Variants in PAPPA observed in about 807,000 individuals in gnomAD.
PAPPA encodes pappalysin 1.
Under a neutral mutation model 164.0 loss-of-function variants are expected in PAPPA, and 60 were observed. The ratio of observed to expected loss-of-function variants is 0.37; its 90% CI spans 0.30 to 0.45. PAPPA has a LOEUF of 0.45. PAPPA is among the 20% of genes least tolerant of loss of function. PAPPA has a pLI of 1.00. For missense variants in PAPPA, 1,782 were observed against 2,087.3 expected, an observed-to-expected ratio of 0.85 and a Z score of 2.85; for synonymous variants, 875 against 814.1, an observed-to-expected ratio of 1.07 and a Z score of -1.27.
chr9:116,307,426 C>T (rs1273543696), intron 10 of PAPPA, among the ~76,000 whole-genome samples: 1 of 151,838 alleles, frequency 6.6e-6, no homozygotes, highest in Non-Finnish European at 1.5e-5. Context: ...ATGGTGAAAC[C>T]CCGTCTCTAC....
At chr9:116,174,553 T>C (rs1843809953) in intron 1 of PAPPA, among the ~76,000 whole-genome samples, 1 of 152,138 alleles carries the variant, frequency 6.6e-6, no homozygotes, top group South Asian at 2.1e-4. Flanking sequence ...CCCAATGCTC[T>C]TCAGCAGATG....
chr9:116,302,564 C>T (rs1450010995), intron 9 of PAPPA, among the ~76,000 whole-genome samples, 193 bp from the exon 10 acceptor site: 2 of 152,066 alleles, frequency 1.3e-5, no homozygotes, highest in Admixed American at 6.6e-5. Context: ...GAACATGGTT[C>T]ATCCATGTTG....
At position 116,334,887 on chromosome 9, in the gene PAPPA, A is replaced by G; in HGVS notation, c.3424A>G (p.Asn1142Asp). ...CCTCCATGTCCTGAGCTGCAGGAAC[A>G]ATCCCCTGATTATCCCTGTGGTCCA... ...LGLHVLSCRN[N>D]PLIIPVVHDL... is the part of the protein sequence containing the mutation. The change falls in exon 13 of 22, where the codon AAT (asparagine) becomes GAT (aspartate). Residue 1142 changes from asparagine to aspartate, a missense_variant. Physicochemically the swap from Asn to Asp is conservative, Grantham distance 23 (BLOSUM62 1). Transcript: ENST00000328252. The G allele has an allele frequency of 6.2e-7, 1 of 1,613,704 alleles. No individual in the cohort carries two copies. The highest frequency in any genetic ancestry group is 8.5e-7 in the Non-Finnish European group (1 of 1,179,926).
intron 7 of PAPPA, among the ~76,000 whole-genome samples, chr9:116,250,013 ATGTG>A (rs67162181): frequency 0.025 from 3,626 of 143,532 alleles, 63 homozygotes; most frequent in South Asian, 0.031. Context: ...GTACCTGCAT[ATGTG>A]TGTGTGTGTG....
At chr9:116,240,261 CA>C (rs1392073193) in intron 7 of PAPPA, among the ~76,000 whole-genome samples, 3 of 152,174 alleles carry the variant, frequency 2.0e-5, no homozygotes, top group African/African-American at 7.2e-5. Flanking sequence ...GCTGAAAACT[CA>C]AGGTGCTCAC....
At chr9:116,344,002 G>C (rs953176719) in intron 13 of PAPPA, among the ~76,000 whole-genome samples, 1 of 151,988 alleles carries the variant, frequency 6.6e-6, no homozygotes, top group South Asian at 2.1e-4. Context: ...TCCTGACCTC[G>C]TGATCTGCCC....
intron 1 of PAPPA, among the ~76,000 whole-genome samples, chr9:116,184,063 A>C (rs1378072914): frequency 1.3e-5 from 2 of 152,202 alleles, no homozygotes; most frequent in Non-Finnish European, 2.9e-5. Flanking sequence ...ATCTTGTTTT[A>C]GATTTTAATT....
chr9:116,310,160 C>T (rs11791269), intron 10 of PAPPA, among the ~76,000 whole-genome samples: 16,044 of 152,184 alleles, frequency 0.11, 939 homozygotes, highest in South Asian at 0.2. Context: ...TACCCAATGC[C>T]GAAGTCACTT....
At chr9:116,354,919 A>G (rs1232155984) in intron 17 of PAPPA, among the ~76,000 whole-genome samples, 1 of 151,152 alleles carries the variant, frequency 6.6e-6, no homozygotes, top group Admixed American at 6.6e-5. Flanking sequence ...TGCCAATAAG[A>G]TGGATTTTCC....
intron 7 of PAPPA, among the ~76,000 whole-genome samples, chr9:116,250,698 A>C (rs1844850308): frequency 6.6e-6 from 1 of 152,232 alleles, no homozygotes; most frequent in African/African-American, 2.4e-5. Context: ...AGATTATTGA[A>C]GATCATCTAT....
intron 1 of PAPPA, among the ~76,000 whole-genome samples, chr9:116,184,829 C>T (rs1843950282): frequency 6.6e-6 from 1 of 152,126 alleles, no homozygotes; most frequent in African/African-American, 2.4e-5. Flanking sequence ...AAAATCCCTA[C>T]CCTTTCTCGT....
Position 116,344,562 on chromosome 9 carries a change from G to C in PAPPA, c.3631G>C (p.Glu1211Gln), listed in dbSNP as rs769984546. The part of the protein sequence containing the change: ...AEQSCVHFAC[E>Q]KTDCPELAVE... Reference sequence around the variant, plus strand: ...CCCCAGCTGCGTGCACTTCGCATGTGAGAAAACTGACTGTCCAGAGCTGGC... The same window carrying C: ...CCCCAGCTGCGTGCACTTCGCATGTCAGAAAACTGACTGTCCAGAGCTGGC... Residue 1211 changes from glutamate to glutamine, a missense_variant, in exon 14 of 22, where the codon GAG (glutamate) becomes CAG (glutamine). Glu to Gln is a conservative substitution (Grantham distance 29). Transcript: ENST00000328252. 1 of 1,613,564 alleles carries C rather than the reference G, an allele frequency of 6.2e-7. No individual in the cohort carries two copies. Among genetic ancestry groups the C allele is most frequent in the African/African-American group, 1.3e-5 (1 of 74,916 alleles).
intron 2 of PAPPA, among the ~76,000 whole-genome samples, chr9:116,205,423 G>T (rs1844221044): frequency 6.6e-6 from 1 of 152,144 alleles, no homozygotes; most frequent in Admixed American, 6.5e-5. Flanking sequence ...CTCTGCCTGA[G>T]AGAACATTTG....
intron 9 of PAPPA, among the ~76,000 whole-genome samples, chr9:116,296,099 G>A (rs1845502959): frequency 6.6e-6 from 1 of 152,092 alleles, no homozygotes; most frequent in Non-Finnish European, 1.5e-5. Flanking sequence ...GTGTTAGCTG[G>A]GCATCTCAGA....
At chr9:116,167,379 TA>T (rs1197864441) in intron 1 of PAPPA, among the ~76,000 whole-genome samples, 1 of 152,216 alleles carries the variant, frequency 6.6e-6, no homozygotes, top group Non-Finnish European at 1.5e-5. Context: ...TTATTTTTAT[TA>T]AGTATTATAT....
At chr9:116,377,490 G>A (rs1846670689) in intron 19 of PAPPA, 86 bp from the exon 20 acceptor site, 2 of 901,140 alleles carry the variant, frequency 2.2e-6, no homozygotes, top group South Asian at 1.4e-5. Flanking sequence ...CCCAGAAGAG[G>A]TGAGGTGGTT....
chr9:116,167,657 T>C lies in PAPPA; in HGVS notation c.415+13070T>C, dbSNP rs1843732349. On this transcript the variant is annotated intron_variant, in intron 1 of 21. Transcript: ENST00000328252. ...TGTGGGTGACCATGCTGAGTGAATA[T>C]GGGGTTTTGAATAGAACAGTGACTC... 1.3e-5 allele frequency among the ~76,000 whole-genome samples: 2 copies of C among 152,152 alleles called. 1 individual carries two copies. The highest frequency in any genetic ancestry group is 1.3e-4 in the Admixed American group (2 of 15,272).
chr9:116,169,466 C>T (rs963363908), intron 1 of PAPPA, among the ~76,000 whole-genome samples: 1 of 151,296 alleles, frequency 6.6e-6, no homozygotes, highest in Non-Finnish European at 1.5e-5. Flanking sequence ...ATTACAGGCA[C>T]CTGCCACCAC....
rs1334367257 is a variant in PAPPA at position 116,367,651 on chromosome 9, A to G, written c.4502A>G (p.Glu1501Gly). 1.9e-6 allele frequency: 3 copies of G among 1,612,992 alleles called. No homozygotes were observed. In the Admixed American group the frequency reaches 5.0e-5, roughly 27 times the overall value. Residue 1501 changes from glutamate (E) to glycine (G), a missense_variant, in exon 19 of 22, where the codon GAG becomes GGG. Transcript: ENST00000328252. ...CATGCTGTACTTCCCTCAGGGTCGG[A>G]GTGTGCCACCTCGTGCCTGGACCAC... is the stretch of plus-strand genomic sequence containing the variant. ...QCPDGYAIGS[E>G]CATSCLDHNS... is the part of the protein sequence containing the mutation.
Sources: gnomAD v4.1 joint callset for allele counts (sites outside exome capture counted in the v4.1 genomes callset) on GRCh38, gnomAD v4.1.1 for gene constraint, MANE v1.5 for transcripts, NCBI Gene and HGNC (gene_info 2026-07-23, HGNC 2026-07-21) for gene names.